Variants in SLC6A13 observed in about 807,000 individuals in gnomAD.
SLC6A13 encodes sodium- and chloride-dependent GABA transporter 2.
In SLC6A13, 69 loss-of-function variants were observed where a neutral mutation model predicts 72.9. The ratio of observed to expected loss-of-function variants is 0.95; its 90% confidence interval spans 0.78 to 1.16. SLC6A13 has a LOEUF of 1.16. Ranked by LOEUF, SLC6A13 falls within the 50% of genes most tolerant of loss-of-function variation. The pLI, the probability that SLC6A13 is intolerant of heterozygous loss-of-function variation, is 0.00. For missense variants in SLC6A13, 735 were observed against 760.5 expected (o/e 0.97, Z 0.39); for synonymous variants, 303 against 303.0 (o/e 1.00, Z 0.00).
chr12:223,815 C>A, intron 11 of SLC6A13, 177 bp downstream of exon 11: 1 of 664,326 alleles, frequency 1.5e-6, no homozygotes, highest in Admixed American at 2.8e-5. Context: ...TGCCCAAAGG[C>A]CAGAGGAGGG....
intron 2 of SLC6A13, among the ~76,000 whole-genome samples, chr12:255,958 C>T (rs1942728771): frequency 6.6e-6 from 1 of 152,164 alleles, no homozygotes; most frequent in African/African-American, 2.4e-5. Flanking sequence ...AAAGCACTTT[C>T]ACCCAACCCC....
chr12:240,419 G>A (rs1942122383), intron 4 of SLC6A13, among the ~76,000 whole-genome samples: 1 of 152,220 alleles, frequency 6.6e-6, no homozygotes, highest in Non-Finnish European at 1.5e-5. Context: ...TGCCCAGGTT[G>A]GTCTCAAACT....
At chr12:223,087 T>C in intron 12 of SLC6A13, 45 bp downstream of exon 12, 1 of 1,243,696 alleles carries the variant, frequency 8.0e-7, no homozygotes, top group Non-Finnish European at 1.2e-6. Context: ...CCCAAGACCC[T>C]TAGACAAGAG....
chr12:253,198 G>GC (rs1364975040), intron 2 of SLC6A13, among the ~76,000 whole-genome samples: 1 of 152,140 alleles, frequency 6.6e-6, no homozygotes, highest in Non-Finnish European at 1.5e-5. Context: ...CACTCTCTTG[G>GC]CCCCCCTTCT....
chr12:242,574 G>A (rs770981676), intron 4 of SLC6A13, 40 bp downstream of exon 4: 109 of 1,593,066 alleles, frequency 6.8e-5, no homozygotes, highest in Non-Finnish European at 9.2e-5. Context: ...TAATGTGGCA[G>A]AACGAGAGGA....
rs74620043 is a variant in SLC6A13 at position 230,096 on chromosome 12, G to A, written c.832-2428C>T. Among the ~76,000 whole-genome samples the A allele has an allele frequency of 0.01, 1,572 of 152,228 alleles. 66 individuals are homozygous for A. The East Asian group carries it at 0.15, about 14-fold the overall frequency. On this transcript the variant is annotated intron_variant, in intron 7 of 14. Coordinates refer to ENST00000343164, the MANE Select transcript of SLC6A13 (RefSeq NM_016615.5). ...GGCCTGCTGGGATGGGGAAGAGAAC[G>A]GGGTCAGAGCAAGCTGTTCCATTCC... is the stretch of plus-strand genomic sequence containing the variant.
chr12:220,720 G>T lies in SLC6A13; in HGVS notation c.*228C>A. 2.0e-6 allele frequency: 1 copy of T among 504,706 alleles called. No homozygotes were observed. Among genetic ancestry groups the T allele is most frequent in the Non-Finnish European group, 3.5e-6 (1 of 284,276 alleles). The allele number at this position is 504,706 out of a possible 1,614,324, so 31.3% of individuals were successfully genotyped here. On this transcript the variant is annotated 3_prime_UTR_variant, in exon 15 of 15. Coordinates refer to ENST00000343164, the MANE Select transcript of SLC6A13 (RefSeq NM_016615.5). ...CCAGCCCCCACCCAGCTTCCCAAGG[G>T]TCTCAGAGGGACACTCTTGGCACTG...
intron 7 of SLC6A13, among the ~76,000 whole-genome samples, chr12:231,406 G>A (rs139726728): frequency 6.6e-6 from 1 of 152,300 alleles, no homozygotes; most frequent in Non-Finnish European, 1.5e-5. Flanking sequence ...CAAGTGCCAG[G>A]CGAATGCCAG....
chr12:224,031 A>C lies in SLC6A13; in HGVS notation c.1272T>G (p.Ser424=). The C allele has an allele frequency of 2.5e-6, 4 of 1,613,498 alleles. No individual in the cohort carries two copies. The South Asian group carries it at 4.4e-5, about 18-fold the overall frequency. ...TCAGCCCCACAAGGAAGGAGACGACAGATACTCCAAGGATGAGGACTTCCC... is the reference window on the plus strand; with the variant it reads ...TCAGCCCCACAAGGAAGGAGACGACCGATACTCCAAGGATGAGGACTTCCC... The part of the protein sequence containing the change: ...NRREVLILGV[S]VVSFLVGLIM... The change falls in exon 11 of 15, where the codon TCT becomes TCG. Residue 424 remains serine (S), a synonymous_variant. Transcript: ENST00000343164.
chr12:229,355 C>T (rs1371023141), intron 7 of SLC6A13, among the ~76,000 whole-genome samples: 1 of 152,218 alleles, frequency 6.6e-6, no homozygotes, highest in Admixed American at 6.5e-5. Flanking sequence ...AGTCTGTTTG[C>T]TCCTTCAAGA....
chr12:256,191 G>C (rs1942738863), intron 2 of SLC6A13, among the ~76,000 whole-genome samples: 1 of 152,152 alleles, frequency 6.6e-6, no homozygotes, highest in African/African-American at 2.4e-5. Context: ...CCTCTAGAAT[G>C]TATGCCCTAT....
chr12:259,898 A>C lies in SLC6A13; in HGVS notation c.155T>G (p.Leu52Ter), dbSNP rs1942872098. Residue 52 changes from leucine (L) to a stop codon, truncating the protein, a stop_gained, in exon 2 of 15, where the codon TTA becomes TGA. Transcript: ENST00000343164. LOFTEE classifies it high-confidence loss of function. ...VLSVAGEIIGLGNVWRFPYLC... is the reference protein window; with the variant it reads ...VLSVAGEIIG ...ATAGGGAAACCTCCAGACGTTGCCT[A>C]AGCCAATGATCTCCCCAGCCACTGA... The C allele has an allele frequency of 9.3e-6, 15 of 1,614,180 alleles. No homozygotes were observed. Among genetic ancestry groups the C allele is most frequent in the Non-Finnish European group, 1.3e-5 (15 of 1,180,014 alleles).
chr12:256,466 C>A (rs1251900102), intron 2 of SLC6A13: 1 of 152,134 alleles, frequency 6.6e-6, no homozygotes, highest in African/African-American at 2.4e-5. Flanking sequence ...GCATCCCTCT[C>A]ACTCACCTCC....
At chr12:225,855 C>A (rs1441175714) in intron 9 of SLC6A13, among the ~76,000 whole-genome samples, 1 of 152,038 alleles carries the variant, frequency 6.6e-6, no homozygotes, top group Non-Finnish European at 1.5e-5. Context: ...GGGGCCTGGG[C>A]CTTGATGTTA....
At chr12:242,194 G>A (rs118012430) in intron 4 of SLC6A13, among the ~76,000 whole-genome samples, 19 of 152,228 alleles carry the variant, frequency 1.2e-4, no homozygotes, top group Non-Finnish European at 2.2e-4. Context: ...TCTGAACTGT[G>A]CGGGTCCACT....
intron 2 of SLC6A13, among the ~76,000 whole-genome samples, chr12:244,553 G>A (rs566593624): frequency 3.9e-5 from 6 of 152,078 alleles, no homozygotes; most frequent in African/African-American, 1.2e-4. Context: ...ATCTGGGCAT[G>A]GCTGTGTGTG....
intron 2 of SLC6A13, among the ~76,000 whole-genome samples, chr12:252,018 A>G (rs1942572346): frequency 6.6e-6 from 1 of 152,214 alleles, no homozygotes; most frequent in African/African-American, 2.4e-5. Flanking sequence ...AATGAAAAAA[A>G]TAGTATTTGT....
chr12:256,516 C>A (rs983945903), intron 2 of SLC6A13: 13 of 152,218 alleles, frequency 8.5e-5, no homozygotes, highest in African/African-American at 3.1e-4. Flanking sequence ...AGATGGGCTT[C>A]TTTGAATCAC....
chr12:237,347 C>A, intron 5 of SLC6A13, 57 bp from the exon 6 acceptor site: 1 of 1,597,410 alleles, frequency 6.3e-7, no homozygotes, highest in Non-Finnish European at 8.6e-7. Context: ...AGTTTTGTGG[C>A]CCCGTCCTGG....
Sources: allele counts gnomAD v4.1 joint callset (sites outside exome capture counted in the v4.1 genomes callset), GRCh38; gene constraint gnomAD v4.1.1; transcripts MANE v1.5; gene names NCBI Gene and HGNC (gene_info 2026-07-23, HGNC 2026-07-21).